The following SLC5A10 variants were observed in gnomAD, a reference collection of about 807,000 sequenced individuals.
The protein encoded by SLC5A10 is solute carrier family 5 member 10, also known as sodium/mannose cotransporter SLC5A10.
In SLC5A10, 55 loss-of-function variants were observed where a neutral mutation model predicts 68.9. The observed-to-expected ratio is 0.80, with a 90% CI of 0.64 to 1.00. The LOEUF is 1.00. Among genes scored for constraint, SLC5A10 ranks in the 50% least tolerant of loss-of-function variants. The probability of loss-of-function intolerance (pLI) is 0.00; values close to 1 mark genes in which losing one functional copy is unlikely to be tolerated. For synonymous variants in SLC5A10, 344 were observed against 344.8 expected (o/e 1.00, Z 0.02); for missense variants, 732 against 819.3 (o/e 0.89, Z 1.30).
At chr17:18,959,085 G>T (rs1421671483) in intron 2 of SLC5A10, 50 bp from the exon 3 acceptor site, 1 of 1,563,452 alleles carries the variant, frequency 6.4e-7, no homozygotes, top group Non-Finnish European at 8.7e-7. Context: ...CCCAGGATGG[G>T]GCCGGCGCAG....
At position 18,959,648 on chromosome 17, in the gene SLC5A10, C is replaced by A. The variant is rs1263087119; in HGVS notation, c.333C>A (p.Ile111=). The change falls in exon 4 of 15, where the codon ATC becomes ATA. Residue 111 remains isoleucine (I), a synonymous_variant. Transcript: ENST00000395645. ...LLALAWVFVP[I]YISSEIVTLP... is the part of the protein sequence containing the mutation. ...CACTGGCATGGGTGTTCGTGCCCAT[C>A]TACATCTCCTCAGAGGTGAGTCTAC... is the stretch of plus-strand genomic sequence containing the variant. 3.1e-6 allele frequency: 5 copies of A among 1,613,934 alleles called. No individual in the cohort carries two copies. The African/African-American group carries it at 6.7e-5, about 22-fold the overall frequency.
chr17:18,959,230 C>A lies in SLC5A10; in HGVS notation c.279C>A (p.Phe93Leu), dbSNP rs146918144. 14 of 1,612,990 alleles carry A rather than the reference C, an allele frequency of 8.7e-6. No individual in the cohort carries two copies. The African/African-American group carries it at 1.6e-4, about 18-fold the overall frequency. Residue 93 changes from phenylalanine (F) to leucine (L), a missense_variant, in exon 3 of 15, where the codon TTC becomes TTA. By Grantham distance (22) the Phe-to-Leu change is conservative. Transcript: ENST00000395645. ...GAAGGLAVAG[F>L]EWNATYVLLA... ...CAGGAGGTCTGGCCGTGGCAGGCTT[C>A]GAGTGGAATGTGAGTCCTGGAGGAC... is the stretch of plus-strand genomic sequence containing the variant.
rs1353484271 is a variant in SLC5A10, at chr17:19,019,558, C to A, written c.1377C>A (p.Val459=). The A allele has an allele frequency of 6.2e-7, 1 of 1,612,078 alleles. No individual in the cohort carries two copies. The highest frequency in any genetic ancestry group is 8.5e-7 in the Non-Finnish European group (1 of 1,179,966). The change falls in exon 12 of 15, where the codon GTC becomes GTA. Residue 459 remains valine, a synonymous_variant. Transcript: ENST00000395645. ...SLAPPVTAVF[V]LGVFWRRANE... ...CCCCACCAGTGACTGCAGTCTTTGT[C>A]CTGGGCGTCTTCTGGCGACGTGCCA...
At chr17:18,977,526 C>G in intron 9 of SLC5A10, 1 of 1,527,020 alleles carries the variant, frequency 6.5e-7, no homozygotes, top group Non-Finnish European at 8.9e-7. Context: ...AGCTCGAGCT[C>G]TTGGGTGGCT....
chr17:18,988,557 G>T, intron 9 of SLC5A10: 1 of 1,384,858 alleles, frequency 7.2e-7, no homozygotes, highest in Non-Finnish European at 9.7e-7. Flanking sequence ...TCAGGCCCGG[G>T]ACCAGGAAGT....
chr17:18,984,260 C>G (rs1007490708), intron 9 of SLC5A10, among the ~76,000 whole-genome samples: 1 of 147,214 alleles, frequency 6.8e-6, no homozygotes, highest in Non-Finnish European at 1.5e-5. Flanking sequence ...GATAATGGCA[C>G]GAACCCGGGA....
upstream of SLC5A10, chr17:18,951,856 T>C: frequency 3.6e-6 from 1 of 280,354 alleles, no homozygotes; most frequent in Non-Finnish European, 6.8e-6. Context: ...AAGCCACCCA[T>C]TAAGCAACCC....
chr17:18,957,832 T>C (rs368392729), intron 1 of SLC5A10, among the ~76,000 whole-genome samples: 2 of 152,236 alleles, frequency 1.3e-5, no homozygotes, highest in African/African-American at 4.8e-5. Flanking sequence ...AACCATTACC[T>C]GTAGCTAGCT....
At chr17:18,960,771 G>A (rs2042599001) in intron 5 of SLC5A10, 119 bp downstream of exon 5, 1 of 969,678 alleles carries the variant, frequency 1.0e-6, no homozygotes, top group East Asian at 2.5e-5. Context: ...TGGGCAAATT[G>A]AGGCCCAGAG....
chr17:18,978,640 C>T, intron 9 of SLC5A10: 1 of 1,613,118 alleles, frequency 6.2e-7, no homozygotes, highest in Non-Finnish European at 8.5e-7. Context: ...TGACGAGCTT[C>T]TTGGCCACAG....
At chr17:18,959,762 G>GT in intron 4 of SLC5A10, 99 bp downstream of exon 4, 1 of 1,084,530 alleles carries the variant, frequency 9.2e-7, no homozygotes, top group Non-Finnish European at 1.4e-6. Context: ...TCAGGAGTTG[G>GT]TAAACTCTTA....
rs748195382 is a variant in SLC5A10 at position 18,977,552 on chromosome 17, G to A, written c.982+563G>A. On this transcript the variant is annotated intron_variant, in intron 9 of 14. Coordinates refer to ENST00000395645, the MANE Select transcript of SLC5A10 (RefSeq NM_001042450.4). ...TTGGGTGGCTGGCAGGGAGGGACTC[G>A]TGACCCCTGGTGTGCAGGGACCCTG... 53 of 1,585,080 alleles carry A rather than the reference G, an allele frequency of 3.3e-5. 1 individual carries two copies. Among genetic ancestry groups the A allele is most frequent in the Middle Eastern group, 1.7e-4 (1 of 5,960 alleles).
chr17:18,960,685 C>T (rs1378310979), intron 5 of SLC5A10, 33 bp downstream of exon 5: 10 of 1,593,740 alleles, frequency 6.3e-6, no homozygotes, highest in Non-Finnish European at 8.6e-6. Flanking sequence ...CTGGCATAGC[C>T]TGGAAACATC....
chr17:18,958,742 A>T lies in SLC5A10; in HGVS notation c.172A>T (p.Thr58Ser). The change falls in exon 2 of 15, where the codon ACG (threonine) becomes TCG (serine). Residue 58 changes from threonine (T) to serine (S), a missense_variant. Coordinates refer to ENST00000395645, the MANE Select transcript of SLC5A10 (RefSeq NM_001042450.4). The stretch of plus-strand genomic sequence containing the variant: ...CTACTTCCTGGCAGGCCGGGACATG[A>T]CGTGGTGGCCGGTGAGTGCACCCTG... ...NGYFLAGRDM[T>S]WWPIGASLFA... 6.2e-7 allele frequency: 1 copy of T among 1,614,144 alleles called. No homozygotes were observed. Among genetic ancestry groups the T allele is most frequent in the Non-Finnish European group, 8.5e-7 (1 of 1,180,010 alleles).
Position 18,976,953 on chromosome 17 carries a change from A to T in SLC5A10, c.946A>T (p.Ile316Phe). 1 of 1,613,316 alleles carries T rather than the reference A, an allele frequency of 6.2e-7. No homozygotes were observed. Among genetic ancestry groups the T allele is most frequent in the Non-Finnish European group, 8.5e-7 (1 of 1,179,804 alleles). Residue 316 changes from isoleucine (I) to phenylalanine (F), a missense_variant, in exon 9 of 15, where the codon ATC becomes TTC. Coordinates refer to ENST00000395645, the MANE Select transcript of SLC5A10 (RefSeq NM_001042450.4). ...CAAGATGCTCCCCATGGGCCTGATC[A>T]TCATGCCGGGCATGATCAGCCGCGC... ...YLKMLPMGLIIMPGMISRALF... is the reference protein window; with the variant it reads ...YLKMLPMGLIFMPGMISRALF...
intron 1 of SLC5A10, among the ~76,000 whole-genome samples, chr17:18,956,340 A>G (rs2042500612): frequency 6.6e-6 from 1 of 151,960 alleles, no homozygotes; most frequent in East Asian, 1.9e-4. Flanking sequence ...AGAGACCTGC[A>G]TATTGATGGA....
chr17:19,017,281 CA>C lies in SLC5A10; in HGVS notation c.1241+2083del. 6.4e-7 allele frequency: 1 copy of C among 1,551,968 alleles called. No individual in the cohort carries two copies. Among genetic ancestry groups the C allele is most frequent in the Non-Finnish European group, 8.7e-7 (1 of 1,146,920 alleles). On this transcript the variant is annotated intron_variant, in intron 11 of 14. Coordinates refer to ENST00000395645, the MANE Select transcript of SLC5A10 (RefSeq NM_001042450.4). The surrounding 1 kb of genome is among the most constrained non-coding windows in gnomAD (Gnocchi z 5.6). ...CCAGCTCAACTTCCCGTCCCTCTTACAGCACTGGGATACCCTCAACACCCCC... is the reference window on the plus strand; with the variant it reads ...CCAGCTCAACTTCCCGTCCCTCTTACGCACTGGGATACCCTCAACACCCCC...
rs773807575 is a variant in SLC5A10 at position 19,003,598 on chromosome 17, G to A, written c.983-9812G>A. On this transcript the variant is annotated intron_variant, in intron 9 of 14. Transcript: ENST00000395645. This position sits in a 1 kb window ranked among gnomAD's most constrained non-coding sequence, Gnocchi z 4.5. ...CGTCTATGGGGGGCTGCATGTAGAC[G>A]CTAGCCCGGGTCACGCCGCGGTAGG... is the stretch of plus-strand genomic sequence containing the variant. 1 of 1,609,956 alleles carries A rather than the reference G, an allele frequency of 6.2e-7. No individual in the cohort carries two copies. Among genetic ancestry groups the A allele is most frequent in the Non-Finnish European group, 8.5e-7 (1 of 1,178,362 alleles).
chr17:18,982,649 C>T (rs1816094643), intron 9 of SLC5A10, among the ~76,000 whole-genome samples: 1 of 152,176 alleles, frequency 6.6e-6, no homozygotes, highest in Non-Finnish European at 1.5e-5. Flanking sequence ...GTGGGGGCTC[C>T]AGGGCTGGGG....
Sources: allele counts gnomAD v4.1 joint callset (sites outside exome capture counted in the v4.1 genomes callset), GRCh38; gene constraint gnomAD v4.1.1; non-coding constraint Gnocchi (gnomAD v3.1); transcripts MANE v1.5; gene names NCBI Gene and HGNC (gene_info 2026-07-23, HGNC 2026-07-21).